Variants in SLC24A2 observed in about 807,000 individuals in gnomAD.
SLC24A2 encodes the protein solute carrier family 24 member 2, also known as sodium/potassium/calcium exchanger 2.
A neutral mutation model predicts 62.0 loss-of-function variants in SLC24A2; 36 were observed. That is an observed-to-expected ratio of 0.58 (90% CI 0.44 to 0.77). SLC24A2 has a LOEUF of 0.77. Among genes scored for constraint, SLC24A2 ranks in the 30% least tolerant of loss-of-function variants. The pLI is 0.00. For synonymous variants in SLC24A2, 358 were observed against 294.0 expected (o/e 1.22, Z -2.23); for missense variants, 846 against 817.9 (o/e 1.03, Z -0.42).
the SLC24A2 span, among the ~76,000 whole-genome samples, chr9:19,795,043 G>C: frequency 6.6e-6 from 1 of 152,194 alleles, no homozygotes; most frequent in Non-Finnish European, 1.5e-5. Flanking sequence ...AGGTGCTGCT[G>C]TGTCTATGGT....
intron 2 of SLC24A2, among the ~76,000 whole-genome samples, chr9:19,706,878 T>C (rs1409072200): frequency 1.3e-5 from 2 of 151,830 alleles, no homozygotes; most frequent in Non-Finnish European, 2.9e-5. Context: ...ATTCAAAAGC[T>C]AGCGGAAGGC....
intron 2 of SLC24A2, among the ~76,000 whole-genome samples, chr9:19,734,157 G>T (rs959166415): frequency 6.6e-6 from 1 of 152,234 alleles, no homozygotes; most frequent in South Asian, 2.1e-4. Context: ...TTTCCCCATT[G>T]CTTGTTTTTG....
the SLC24A2 span, among the ~76,000 whole-genome samples, chr9:19,947,204 A>G: frequency 2.0e-5 from 3 of 152,228 alleles, no homozygotes; most frequent in African/African-American, 4.8e-5. Flanking sequence ...AAGCTAAAAC[A>G]AATGGATTGG....
intron 8 of SLC24A2, among the ~76,000 whole-genome samples, chr9:19,535,999 T>A (rs1338831440): frequency 6.6e-6 from 1 of 152,146 alleles, no homozygotes; most frequent in East Asian, 1.9e-4. Context: ...CATTTATTTG[T>A]GTCCTCTCTT....
chr9:20,046,817 T>G, the SLC24A2 span, among the ~76,000 whole-genome samples: 1 of 152,222 alleles, frequency 6.6e-6, no homozygotes, highest in Non-Finnish European at 1.5e-5. Context: ...TGCCTTTCAA[T>G]TTTTTAAGCA....
the SLC24A2 span, among the ~76,000 whole-genome samples, chr9:19,987,028 C>G: frequency 5.3e-5 from 8 of 151,636 alleles, no homozygotes; most frequent in African/African-American, 1.9e-4. Flanking sequence ...ACAAAGGAGT[C>G]AAAGAAGCAG....
At position 19,509,492 on chromosome 9, in the gene SLC24A2, G is replaced by C. The variant is rs1033844343; in HGVS notation, c.*6661C>G. 2.6e-5 allele frequency: 4 copies of C among 152,042 alleles called. No individual in the cohort carries two copies. Among genetic ancestry groups the C allele is most frequent in the African/African-American group, 9.6e-5 (4 of 41,482 alleles). 9.4% of individuals were successfully genotyped at this position (152,042 alleles called of 1,614,324 possible). On this transcript the variant is annotated 3_prime_UTR_variant, in exon 11 of 11. Transcript: ENST00000341998. Reference sequence around the variant, plus strand: ...AGAAGCCCTGAATATATGTATTATTGGTATTTTATGGCTTTAATTAAGACA... The same window carrying C: ...AGAAGCCCTGAATATATGTATTATTCGTATTTTATGGCTTTAATTAAGACA...
chr9:20,236,642 T>A, the SLC24A2 span, among the ~76,000 whole-genome samples: 1 of 152,180 alleles, frequency 6.6e-6, no homozygotes. Context: ...AAATGCTGAA[T>A]TTACAGTCAT....
At chr9:19,649,457 A>G (rs773234380) in intron 2 of SLC24A2, among the ~76,000 whole-genome samples, 1 of 152,112 alleles carries the variant, frequency 6.6e-6, no homozygotes, top group Non-Finnish European at 1.5e-5. Context: ...CACTAGAACC[A>G]TATGTTCATG....
At chr9:20,179,671 G>A in the SLC24A2 span, among the ~76,000 whole-genome samples, 1 of 152,144 alleles carries the variant, frequency 6.6e-6, no homozygotes, top group African/African-American at 2.4e-5. Context: ...ATCCCAAAGT[G>A]AATAGATTGA....
the SLC24A2 span, among the ~76,000 whole-genome samples, chr9:20,075,060 T>C: frequency 6.6e-6 from 1 of 152,198 alleles, no homozygotes; most frequent in African/African-American, 2.4e-5. Flanking sequence ...TTGAACTAAA[T>C]CCAAATGAAA....
chr9:19,807,629 C>T, the SLC24A2 span, among the ~76,000 whole-genome samples: 1 of 152,222 alleles, frequency 6.6e-6, no homozygotes, highest in African/African-American at 2.4e-5. Context: ...GTCTCTTTCA[C>T]ATGCTAATCG....
chr9:19,549,529 C>T (rs1358656631), intron 8 of SLC24A2, among the ~76,000 whole-genome samples: 5 of 152,166 alleles, frequency 3.3e-5, no homozygotes, highest in Admixed American at 2.6e-4. Context: ...CCTGACTGAC[C>T]TCTTATGTAA....
the SLC24A2 span, among the ~76,000 whole-genome samples, chr9:19,951,296 G>C: frequency 6.6e-6 from 1 of 151,592 alleles, no homozygotes; most frequent in Non-Finnish European, 1.5e-5. Flanking sequence ...TTTCAAACCT[G>C]TGACTTAGCT....
intron 1 of SLC24A2, among the ~76,000 whole-genome samples, chr9:19,787,343 A>C (rs1823205754): frequency 6.6e-6 from 1 of 152,228 alleles, no homozygotes; most frequent in Admixed American, 6.5e-5. Context: ...TAAAAATTTT[A>C]CAGGTGAAAA....
the SLC24A2 span, among the ~76,000 whole-genome samples, chr9:19,824,136 C>T: frequency 6.6e-6 from 1 of 152,044 alleles, no homozygotes; most frequent in Non-Finnish European, 1.5e-5. Flanking sequence ...TCTAAAACAC[C>T]AAAAGCAATG....
At chr9:19,977,289 C>G in the SLC24A2 span, among the ~76,000 whole-genome samples, 4 of 151,978 alleles carry the variant, frequency 2.6e-5, no homozygotes, top group African/African-American at 9.7e-5. Flanking sequence ...AAATAAAAAG[C>G]GCTTAAAATG....
chr9:19,860,494 G>C, the SLC24A2 span, among the ~76,000 whole-genome samples: 39 of 152,250 alleles, frequency 2.6e-4, no homozygotes, highest in Admixed American at 2.3e-3. Context: ...GATGGGTTCA[G>C]GTGAGACTCA....
chr9:19,633,912 A>T (rs1426816680), intron 2 of SLC24A2, among the ~76,000 whole-genome samples: 1 of 152,200 alleles, frequency 6.6e-6, no homozygotes, highest in East Asian at 1.9e-4. Flanking sequence ...TCTCTAAAAA[A>T]TGGTTTCTGA....
Sources: allele counts gnomAD v4.1 joint callset (sites outside exome capture counted in the v4.1 genomes callset), GRCh38; gene constraint gnomAD v4.1.1; transcripts MANE v1.5; gene names NCBI Gene and HGNC (gene_info 2026-07-23, HGNC 2026-07-21).